PRKN: variants seen among roughly 807,000 people sequenced by gnomAD.
The protein encoded by PRKN is parkin RBR E3 ubiquitin protein ligase, also known as E3 ubiquitin-protein ligase parkin.
In PRKN, 56 loss-of-function variants were observed where a neutral mutation model predicts 59.5. The ratio of observed to expected loss-of-function variants is 0.94; its 90% CI spans 0.76 to 1.18. The LOEUF (loss-of-function observed/expected upper bound fraction) is 1.18. Among genes scored for constraint, PRKN ranks in the 50% most tolerant of loss-of-function variants. PRKN has a pLI of 0.00. For missense variants in PRKN, 657 were observed against 596.4 expected, an observed-to-expected ratio of 1.10 and a Z score of -1.06; for synonymous variants, 250 against 222.1, an observed-to-expected ratio of 1.13 and a Z score of -1.12.
chr6:161,821,837 G>GC (rs1485194620), intron 6 of PRKN, among the ~76,000 whole-genome samples: 1 of 137,692 alleles, frequency 7.3e-6, no homozygotes, highest in Non-Finnish European at 1.5e-5. Flanking sequence ...CAACTTCTGC[G>GC]CCCTGGGTTG....
chr6:161,798,330 C>T (rs9295166), intron 6 of PRKN, among the ~76,000 whole-genome samples: 3,458 of 152,202 alleles, frequency 0.023, 139 homozygotes, highest in African/African-American at 0.08. Context: ...GGTGGTTGAG[C>T]GAGGTTTGTA....
chr6:162,288,747 T>C (rs1781304821), intron 2 of PRKN, among the ~76,000 whole-genome samples: 1 of 152,184 alleles, frequency 6.6e-6, no homozygotes, highest in African/African-American at 2.4e-5. Context: ...ACTCACATTT[T>C]TCTACCATGA....
chr6:161,751,555 T>C (rs904482974), intron 7 of PRKN, among the ~76,000 whole-genome samples: 1 of 152,196 alleles, frequency 6.6e-6, no homozygotes, highest in Admixed American at 6.5e-5. Context: ...AATTACACAA[T>C]CATAAAGTAA....
intron 6 of PRKN, among the ~76,000 whole-genome samples, chr6:161,954,370 G>A (rs1447091453): frequency 6.6e-6 from 1 of 152,130 alleles, no homozygotes; most frequent in Non-Finnish European, 1.5e-5. Context: ...CATCACTGAT[G>A]CCGCCACAGT....
chr6:162,136,997 T>C (rs542008637), intron 4 of PRKN, among the ~76,000 whole-genome samples: 26 of 152,006 alleles, frequency 1.7e-4, no homozygotes, highest in Admixed American at 1.2e-3. Flanking sequence ...AGTGGGCAGA[T>C]GTATAAAGAG....
intron 3 of PRKN, among the ~76,000 whole-genome samples, chr6:162,229,820 C>T (rs991675856): frequency 2.6e-5 from 4 of 152,194 alleles, no homozygotes; most frequent in African/African-American, 7.2e-5. Flanking sequence ...TGTATCCTTT[C>T]GATCTGTTTG....
At chr6:162,712,355 TG>T (rs1778568281) in intron 1 of PRKN, among the ~76,000 whole-genome samples, 1 of 152,176 alleles carries the variant, frequency 6.6e-6, no homozygotes, top group Admixed American at 6.5e-5. Flanking sequence ...AATGAAGTAA[TG>T]TCTAACCCCA....
intron 1 of PRKN, among the ~76,000 whole-genome samples, chr6:162,504,388 G>A (rs1793512920): frequency 6.6e-6 from 1 of 152,190 alleles, no homozygotes; most frequent in Non-Finnish European, 1.5e-5. Context: ...TGGCAATGAA[G>A]CCCAGGGCTC....
intron 2 of PRKN, among the ~76,000 whole-genome samples, chr6:162,421,364 G>T (rs1335066855): frequency 6.6e-6 from 1 of 152,120 alleles, no homozygotes; most frequent in East Asian, 1.9e-4. Context: ...AGGCTGTTAA[G>T]AACAATAACT....
At chr6:162,704,014 G>A (rs564100328) in intron 1 of PRKN, among the ~76,000 whole-genome samples, 10 of 152,248 alleles carry the variant, frequency 6.6e-5, no homozygotes, top group East Asian at 3.9e-4. Flanking sequence ...GTAATTAAGC[G>A]CCTTAGCTAA....
chr6:161,951,818 A>G (rs1269165883), intron 6 of PRKN, among the ~76,000 whole-genome samples: 1 of 151,986 alleles, frequency 6.6e-6, no homozygotes, highest in Non-Finnish European at 1.5e-5. Flanking sequence ...GCTGCTCGGG[A>G]GGCTGAGGCA....
chr6:162,115,621 G>A (rs1780638789), intron 4 of PRKN, among the ~76,000 whole-genome samples: 1 of 151,588 alleles, frequency 6.6e-6, no homozygotes, highest in African/African-American at 2.4e-5. Flanking sequence ...ATCACTTTGA[G>A]AGAAGGAAAG....
intron 4 of PRKN, among the ~76,000 whole-genome samples, chr6:162,178,471 GGCC>G (rs1420778717): frequency 5.9e-5 from 9 of 152,140 alleles, no homozygotes; most frequent in African/African-American, 2.2e-4. Context: ...CCCTTTCCCT[GGCC>G]TATGGCTCCG....
intron 9 of PRKN, among the ~76,000 whole-genome samples, chr6:161,435,945 GGGT>G (rs1423569510): frequency 9.2e-5 from 2 of 21,852 alleles, no homozygotes; most frequent in African/African-American, 2.4e-4. Context: ...GAGAGCAGGG[GGGT>G]GGGATGGGAG....
intron 1 of PRKN, among the ~76,000 whole-genome samples, chr6:162,640,215 A>T (rs2846557): frequency 2.0e-5 from 3 of 151,906 alleles, no homozygotes; most frequent in African/African-American, 7.2e-5. Flanking sequence ...ACAGGCTTCC[A>T]ACTAAGAACT....
At chr6:161,981,994 G>A (rs567822668) in intron 5 of PRKN, among the ~76,000 whole-genome samples, 3 of 152,292 alleles carry the variant, frequency 2.0e-5, no homozygotes, top group East Asian at 3.9e-4. Context: ...TGAGAAGGAG[G>A]CTGTCAGTTT....
intron 6 of PRKN, among the ~76,000 whole-genome samples, chr6:161,797,153 CA>C (rs1046719930): frequency 1.3e-5 from 2 of 152,182 alleles, no homozygotes; most frequent in African/African-American, 4.8e-5. Flanking sequence ...GTTGACTCAC[CA>C]AAACCCTGCA....
At chr6:162,240,223 T>G in intron 3 of PRKN, among the ~76,000 whole-genome samples, 1 of 152,158 alleles carries the variant, frequency 6.6e-6, no homozygotes, top group East Asian at 1.9e-4. Flanking sequence ...AATTAAAAAT[T>G]TTTTAAAATA....
intron 3 of PRKN, among the ~76,000 whole-genome samples, chr6:162,218,040 C>T (rs1265798870): frequency 7.2e-5 from 11 of 152,138 alleles, no homozygotes; most frequent in South Asian, 2.1e-4. Flanking sequence ...CAGAACTGCA[C>T]GCCGGGGTGA....
Sources: gnomAD v4.1 joint callset for allele counts (sites outside exome capture counted in the v4.1 genomes callset) on GRCh38, gnomAD v4.1.1 for gene constraint, MANE v1.5 for transcripts, NCBI Gene and HGNC (gene_info 2026-07-23, HGNC 2026-07-21) for gene names.